TPD52L1: variants seen among roughly 807,000 people sequenced by gnomAD.
The protein encoded by TPD52L1 is tumor protein D53.
In TPD52L1, 18 loss-of-function variants were observed where a neutral mutation model predicts 28.7. That is an observed-to-expected ratio of 0.63 (90% CI 0.43 to 0.93). The LOEUF (loss-of-function observed/expected upper bound fraction) is 0.93, where lower values mean the gene tolerates loss of function less well. Ranked by LOEUF, TPD52L1 falls within the 40% of genes least tolerant of loss-of-function variation. The probability of loss-of-function intolerance (pLI) is 0.00; values close to 1 mark genes in which losing one functional copy is unlikely to be tolerated. For synonymous variants in TPD52L1, 75 were observed against 88.8 expected (o/e 0.84, Z 0.88); for missense variants, 203 against 254.8 (o/e 0.80, Z 1.39).
rs1791540282 is a variant in TPD52L1 at position 125,172,548 on chromosome 6, A to ATATATATG, written c.19+18582_19+18583insTATGTATA. ...TATATATATATATATATATATATATATATAATATATATACTATATGGCATG... is the reference window on the plus strand; with the variant it reads ...TATATATATATATATATATATATATATATATATGTATAATATATATACTATATGGCATG... On this transcript the variant is annotated intron_variant, in intron 1 of 6. Coordinates refer to ENST00000534000, the MANE Select transcript of TPD52L1 (RefSeq NM_003287.4). Among the ~76,000 whole-genome samples, 3 of 100,766 alleles carry ATATATATG rather than the reference A, an allele frequency of 3.0e-5. No individual in the cohort carries two copies. The South Asian group carries it at 9.3e-4, about 31-fold the overall frequency. 66.1% of individuals were successfully genotyped at this position (100,766 alleles called of 152,430 possible). A position where few individuals can be genotyped will look rare whatever the true frequency, so the allele number is the denominator to read the frequency against.
chr6:125,256,526 C>T (rs1383517884), intron 5 of TPD52L1, among the ~76,000 whole-genome samples: 1 of 152,134 alleles, frequency 6.6e-6, no homozygotes, highest in African/African-American at 2.4e-5. Context: ...TCCAAAACAC[C>T]ACTTCATGTA....
At chr6:125,179,658 A>G (rs1315346640) in intron 1 of TPD52L1, among the ~76,000 whole-genome samples, 1 of 152,136 alleles carries the variant, frequency 6.6e-6, no homozygotes, top group African/African-American at 2.4e-5. Context: ...TGCCTGTTGT[A>G]TATTCAGGTG....
intron 1 of TPD52L1, among the ~76,000 whole-genome samples, chr6:125,166,966 ACT>A (rs906621549): frequency 2.6e-5 from 4 of 151,880 alleles, no homozygotes; most frequent in Non-Finnish European, 5.9e-5. Flanking sequence ...GCTCAAAATA[ACT>A]CTTATGGGCT....
At chr6:125,158,467 T>C (rs1790289067) in intron 1 of TPD52L1, among the ~76,000 whole-genome samples, 1 of 152,208 alleles carries the variant, frequency 6.6e-6, no homozygotes, top group Non-Finnish European at 1.5e-5. Context: ...TCACAGAACA[T>C]TTATATAATT....
chr6:125,222,472 A>T (rs1795302955), intron 2 of TPD52L1, among the ~76,000 whole-genome samples: 1 of 152,166 alleles, frequency 6.6e-6, no homozygotes, highest in South Asian at 2.1e-4. Context: ...CCAAAGCAAG[A>T]CCTGTGTGTA....
Position 125,176,694 on chromosome 6 carries a change from G to A in TPD52L1, c.19+22724G>A, listed in dbSNP as rs183202955. ...TAATACAAATAGATGTTAAAATTCC[G>A]ATAATCAACTGTTTAGGTCCTGTGT... On this transcript the variant is annotated intron_variant, in intron 1 of 6. Transcript: ENST00000534000. 3.5e-3 allele frequency among the ~76,000 whole-genome samples: 534 copies of A among 152,086 alleles called. 2 individuals are homozygous for A. The highest frequency in any genetic ancestry group is 0.012 in the African/African-American group (514 of 41,478).
chr6:125,209,012 C>A, intron 1 of TPD52L1: 1 of 907,904 alleles, frequency 1.1e-6, no homozygotes. Context: ...AAAATCTTAT[C>A]TCTACCATGT....
At chr6:125,252,492 A>T (rs1797333732) in intron 4 of TPD52L1, 1 of 154,590 alleles carries the variant, frequency 6.5e-6, no homozygotes, top group African/African-American at 2.4e-5. Context: ...TTCACCTTCA[A>T]CTTTCTGTGC....
intron 1 of TPD52L1, among the ~76,000 whole-genome samples, chr6:125,193,607 G>A (rs1582899809): frequency 6.6e-6 from 1 of 151,844 alleles, no homozygotes; most frequent in East Asian, 1.9e-4. Context: ...CATATATATG[G>A]AAAACATATG....
At chr6:125,187,269 A>T (rs7745377) in intron 1 of TPD52L1, among the ~76,000 whole-genome samples, 3,128 of 152,322 alleles carry the variant, frequency 0.021, 106 homozygotes, top group African/African-American at 0.072. Context: ...CAGGCAAAAT[A>T]TTAAAAGTAT....
rs1171080180 is a variant in TPD52L1 at position 125,263,911 on chromosome 6, G to A, written c.*949G>A. 1 of 152,018 alleles carries A rather than the reference G, an allele frequency of 6.6e-6. No homozygotes were observed. The highest frequency in any genetic ancestry group is 1.5e-5 in the Non-Finnish European group (1 of 68,034). 9.4% of individuals were successfully genotyped at this position (152,018 alleles called of 1,614,324 possible). The stretch of plus-strand genomic sequence containing the variant: ...CTGCTAATTTGGTGAACATGAGAGA[G>A]GATATGAAAATAAATATTACCTCAG... On this transcript the variant is annotated 3_prime_UTR_variant, in exon 7 of 7. Transcript: ENST00000534000.
intron 5 of TPD52L1, among the ~76,000 whole-genome samples, chr6:125,256,105 T>G (rs1473427259): frequency 6.6e-6 from 1 of 152,052 alleles, no homozygotes; most frequent in African/African-American, 2.4e-5. Flanking sequence ...TCCCAGCACT[T>G]TTGGAGGCCG....
intron 1 of TPD52L1, among the ~76,000 whole-genome samples, chr6:125,216,367 C>T (rs77290561): frequency 0.011 from 1,603 of 151,846 alleles, 29 homozygotes; most frequent in African/African-American, 0.037. Context: ...ACTGCAGCTT[C>T]CCAGCAAACA....
At chr6:125,182,375 G>C (rs1046851161) in intron 1 of TPD52L1, among the ~76,000 whole-genome samples, 1 of 152,132 alleles carries the variant, frequency 6.6e-6, no homozygotes, top group Non-Finnish European at 1.5e-5. Flanking sequence ...TCGTGAGCTG[G>C]AGTCGTGAGC....
At chr6:125,169,758 C>G (rs1001114160) in intron 1 of TPD52L1, among the ~76,000 whole-genome samples, 8 of 152,166 alleles carry the variant, frequency 5.3e-5, no homozygotes, top group Non-Finnish European at 1.2e-4. Flanking sequence ...TCACTCCATT[C>G]TCAACATAGT....
intron 3 of TPD52L1, among the ~76,000 whole-genome samples, chr6:125,244,714 G>A (rs1796816926): frequency 1.3e-5 from 2 of 152,172 alleles, no homozygotes; most frequent in Non-Finnish European, 2.9e-5. Flanking sequence ...TGTGTCTGCA[G>A]TAGAGTGCCA....
At chr6:125,158,960 A>G (rs1790328634) in intron 1 of TPD52L1, among the ~76,000 whole-genome samples, 1 of 152,228 alleles carries the variant, frequency 6.6e-6, no homozygotes, top group Non-Finnish European at 1.5e-5. Context: ...ACTTTTTGCT[A>G]AAAATTGCTA....
At position 125,153,982 on chromosome 6, in the gene TPD52L1, C is replaced by A; in HGVS notation, c.19+12C>A. 2 of 1,605,804 alleles carry A rather than the reference C, an allele frequency of 1.2e-6. No individual in the cohort carries two copies. The highest frequency in any genetic ancestry group is 1.1e-5 in the South Asian group (1 of 89,184). ...GGCGCAGGCACAAGGTGAGTGGTCGCCGATCGCCCCGAGAGTCAGGTCCTG... is the reference window on the plus strand; with the variant it reads ...GGCGCAGGCACAAGGTGAGTGGTCGACGATCGCCCCGAGAGTCAGGTCCTG... On this transcript the variant is annotated intron_variant, in intron 1 of 6. Transcript: ENST00000534000.
At chr6:125,164,912 G>A (rs904950746) in intron 1 of TPD52L1, among the ~76,000 whole-genome samples, 7 of 151,584 alleles carry the variant, frequency 4.6e-5, no homozygotes, top group Admixed American at 2.0e-4. Flanking sequence ...CTTCTGTTGC[G>A]AAATGTCCCC....
Sources: allele counts gnomAD v4.1 joint callset (sites outside exome capture counted in the v4.1 genomes callset), GRCh38; gene constraint gnomAD v4.1.1; transcripts MANE v1.5; gene names NCBI Gene and HGNC (gene_info 2026-07-23, HGNC 2026-07-21).